Variants in LGALS12 observed in about 807,000 individuals in gnomAD.
LGALS12 encodes galectin-12.
Under a neutral mutation model 36.8 loss-of-function variants are expected in LGALS12, and 36 were observed. The observed-to-expected ratio is 0.98, with a 90% CI of 0.75 to 1.29. The LOEUF is 1.29. Among genes scored for constraint, LGALS12 ranks in the 50% most tolerant of loss-of-function variants. The pLI, the probability that LGALS12 is intolerant of heterozygous loss-of-function variation, is 0.00. For synonymous variants in LGALS12, 145 were observed against 155.9 expected, an observed-to-expected ratio of 0.93 and a Z score of 0.52; for missense variants, 366 against 394.3, an observed-to-expected ratio of 0.93 and a Z score of 0.61.
chr11:63,510,282 G>C (rs988316532), intron 4 of LGALS12, among the ~76,000 whole-genome samples, 181 bp from the exon 5 acceptor site: 2 of 152,226 alleles, frequency 1.3e-5, no homozygotes, highest in African/African-American at 4.8e-5. Flanking sequence ...TTCTGATTCA[G>C]TAAGTCCAAG....
chr11:63,515,483 T>C (rs1342320067), intron 7 of LGALS12, 80 bp from the exon 8 acceptor site: 2 of 1,545,764 alleles, frequency 1.3e-6, no homozygotes, highest in Non-Finnish European at 1.8e-6. Flanking sequence ...CTCCCTGACC[T>C]CCATCCTTCC....
chr11:63,506,221 C>T lies in LGALS12; in HGVS notation c.-238C>T, dbSNP rs867173873. On this transcript the variant is annotated 5_prime_UTR_variant, in exon 1 of 9. Transcript: ENST00000394618. Reference sequence around the variant, plus strand: ...GACACTGAGTTCTGCTGACAGCCCCCGCCCAGCCAGAGCTCTGCTGTATAC... The same window carrying T: ...GACACTGAGTTCTGCTGACAGCCCCTGCCCAGCCAGAGCTCTGCTGTATAC... The T allele has an allele frequency of 6.8e-5, 45 of 666,500 alleles. No homozygotes were observed. Among genetic ancestry groups the T allele is most frequent in the Non-Finnish European group, 1.0e-4 (41 of 399,574 alleles). The allele number at this position is 666,500 out of a possible 1,614,324, so 41.3% of individuals were successfully genotyped here.
intron 1 of LGALS12, chr11:63,508,154 C>G (rs2016798610): frequency 9.4e-7 from 1 of 1,058,460 alleles, no homozygotes; most frequent in African/African-American, 1.7e-5. Context: ...TTCTTGCCTC[C>G]CAGTTCCTAG....
intron 1 of LGALS12, among the ~76,000 whole-genome samples, chr11:63,507,023 C>T (rs1014688439): frequency 1.3e-5 from 2 of 152,180 alleles, no homozygotes; most frequent in African/African-American, 4.8e-5. Flanking sequence ...GCAGACACCC[C>T]CTACTAATGA....
Position 63,516,411 on chromosome 11 carries a change from T to C in LGALS12, c.*18T>C. The C allele has an allele frequency of 6.2e-7, 1 of 1,613,538 alleles. No homozygotes were observed. The highest frequency in any genetic ancestry group is 1.3e-5 in the African/African-American group (1 of 75,002). Reference sequence around the variant, plus strand: ...ACTCCTGAGGATGGTTCCAGGGAAATACCGCCAGAAAACAAGAAGGTCAGC... The same window carrying C: ...ACTCCTGAGGATGGTTCCAGGGAAACACCGCCAGAAAACAAGAAGGTCAGC... On this transcript the variant is annotated 3_prime_UTR_variant, in exon 9 of 9. Transcript: ENST00000394618.
At position 63,509,730 on chromosome 11, in the gene LGALS12, T is replaced by C. The variant is rs747802558; in HGVS notation, c.373-48T>C. On this transcript the variant is annotated intron_variant, in intron 3 of 8. Coordinates refer to ENST00000394618, the MANE Select transcript of LGALS12 (RefSeq NM_033101.4). ...CAATGCCTGGGACATTGTTATGAACTCAATGAACATTAGCTGCTGATAAGC... is the reference window on the plus strand; with the variant it reads ...CAATGCCTGGGACATTGTTATGAACCCAATGAACATTAGCTGCTGATAAGC... The C allele has an allele frequency of 1.2e-6, 2 of 1,605,846 alleles. 1 individual carries two copies. The highest frequency in any genetic ancestry group is 2.2e-5 in the South Asian group (2 of 90,076).
At chr11:63,513,439 T>A (rs940543399) in intron 7 of LGALS12, among the ~76,000 whole-genome samples, 1 of 152,208 alleles carries the variant, frequency 6.6e-6, no homozygotes, top group South Asian at 2.1e-4. Context: ...AGTATCTCCA[T>A]ACACCCAGTC....
rs765318666 is a variant in LGALS12, at chr11:63,515,686, C to T, written c.771C>T (p.Phe257=). 15 of 1,614,116 alleles carry T rather than the reference C, an allele frequency of 9.3e-6. No individual in the cohort carries two copies. Among genetic ancestry groups the T allele is most frequent in the South Asian group, 4.4e-5 (4 of 91,084 alleles). The change falls in exon 8 of 9, where the codon TTC becomes TTT. Residue 257 remains phenylalanine, a synonymous_variant. Coordinates refer to ENST00000394618, the MANE Select transcript of LGALS12 (RefSeq NM_033101.4). ...WGQKKLISAP[F]LFYPQRFFEV... is the part of the protein sequence containing the mutation. ...AGAAGAAACTGATCTCAGCCCCCTT[C>T]CTCTTTTACCCCCAGAGATTCTTTG... is the stretch of plus-strand genomic sequence containing the variant.
At chr11:63,516,116 C>G in intron 8 of LGALS12, 131 bp from the exon 9 acceptor site, 2 of 1,154,828 alleles carry the variant, frequency 1.7e-6, no homozygotes, top group Non-Finnish European at 2.4e-6. Flanking sequence ...TTTTCCAGCA[C>G]TGTACTGGGT....
chr11:63,507,562 G>A (rs1002892977), intron 1 of LGALS12, among the ~76,000 whole-genome samples: 1 of 152,026 alleles, frequency 6.6e-6, no homozygotes, highest in Non-Finnish European at 1.5e-5. Flanking sequence ...CCAGCCACAT[G>A]AGCAAAATGC....
At position 63,508,846 on chromosome 11, in the gene LGALS12, C is replaced by G; in HGVS notation, c.227C>G (p.Pro76Arg). ...CCAGATATCGCCTTCCACTTCAACCCTCGCTTCCATACCACCAAGCCCCAT... is the reference window on the plus strand; with the variant it reads ...CCAGATATCGCCTTCCACTTCAACCGTCGCTTCCATACCACCAAGCCCCAT... ...PRPDIAFHFN[P>R]RFHTTKPHVI... Residue 76 changes from proline to arginine, a missense_variant, in exon 3 of 9, where the codon CCT (proline) becomes CGT (arginine). Coordinates refer to ENST00000394618, the MANE Select transcript of LGALS12 (RefSeq NM_033101.4). 1 of 1,614,232 alleles carries G rather than the reference C, an allele frequency of 6.2e-7. No homozygotes were observed. The highest frequency in any genetic ancestry group is 8.5e-7 in the Non-Finnish European group (1 of 1,180,036).
At chr11:63,512,725 G>T (rs1415913170) in intron 7 of LGALS12, among the ~76,000 whole-genome samples, 1 of 150,242 alleles carries the variant, frequency 6.7e-6, no homozygotes, top group African/African-American at 2.5e-5. Flanking sequence ...GGAGGCAGAG[G>T]TTGCAGTGAT....
At chr11:63,511,050 C>T (rs767165476) in intron 5 of LGALS12, 29 bp from the exon 6 acceptor site, 3 of 1,611,970 alleles carry the variant, frequency 1.9e-6, no homozygotes, top group Non-Finnish European at 2.5e-6. Flanking sequence ...ACCACATGGC[C>T]TTGTGTCCTC....
At chr11:63,509,065 C>A in intron 3 of LGALS12, 74 bp downstream of exon 3, 1 of 1,170,962 alleles carries the variant, frequency 8.5e-7, no homozygotes. Flanking sequence ...GCCAGACTCC[C>A]CACGACACAA....
At chr11:63,515,498 G>A (rs1466984639) in intron 7 of LGALS12, 65 bp from the exon 8 acceptor site, 12 of 1,580,666 alleles carry the variant, frequency 7.6e-6, no homozygotes, top group African/African-American at 4.0e-5. Flanking sequence ...CCTTCCCCTG[G>A]GGGCTGAGCA....
chr11:63,516,716 C>A lies in LGALS12; in HGVS notation c.*323C>A. On this transcript the variant is annotated 3_prime_UTR_variant, in exon 9 of 9. Coordinates refer to ENST00000394618, the MANE Select transcript of LGALS12 (RefSeq NM_033101.4). ...AATACAATGGCTTAAAGAATGTGGTCATTTATTCTTTATTATTTATTTATT... is the reference window on the plus strand; with the variant it reads ...AATACAATGGCTTAAAGAATGTGGTAATTTATTCTTTATTATTTATTTATT... The A allele has an allele frequency of 3.4e-6, 1 of 290,360 alleles. No individual in the cohort carries two copies. Among genetic ancestry groups the A allele is most frequent in the Non-Finnish European group, 6.4e-6 (1 of 155,270 alleles). 18.0% of individuals were successfully genotyped at this position (290,360 alleles called of 1,614,324 possible). A position where few individuals can be genotyped will look rare whatever the true frequency, so the allele number is the denominator to read the frequency against.
At chr11:63,506,611 G>A in intron 1 of LGALS12, 84 bp downstream of exon 1, 1 of 1,557,918 alleles carries the variant, frequency 6.4e-7, no homozygotes, top group Non-Finnish European at 8.8e-7. Flanking sequence ...GTGGTGGGGT[G>A]GAAAGGACCT....
At position 63,516,496 on chromosome 11, in the gene LGALS12, C is replaced by G; in HGVS notation, c.*103C>G. 1 of 1,358,750 alleles carries G rather than the reference C, an allele frequency of 7.4e-7. No homozygotes were observed. The highest frequency in any genetic ancestry group is 1.0e-6 in the Non-Finnish European group (1 of 968,842). The allele number at this position is 1,358,750 out of a possible 1,614,324, so 84.2% of individuals were successfully genotyped here. A position where few individuals can be genotyped will look rare whatever the true frequency, so the allele number is the denominator to read the frequency against. On this transcript the variant is annotated 3_prime_UTR_variant, in exon 9 of 9. Coordinates refer to ENST00000394618, the MANE Select transcript of LGALS12 (RefSeq NM_033101.4). ...AACCATCCACCTGACACCAGCACAT[C>G]AGGCCTGGTTCACCTCTGGGGTCAC... is the stretch of plus-strand genomic sequence containing the variant.
intron 1 of LGALS12, among the ~76,000 whole-genome samples, chr11:63,507,320 G>T (rs1224522351): frequency 1.3e-5 from 2 of 152,170 alleles, no homozygotes; most frequent in East Asian, 3.8e-4. Flanking sequence ...TAGGTGGTTT[G>T]GGTTCCTAAA....
Sources: gnomAD v4.1 joint callset for allele counts (sites outside exome capture counted in the v4.1 genomes callset) on GRCh38, gnomAD v4.1.1 for gene constraint, MANE v1.5 for transcripts, NCBI Gene and HGNC (gene_info 2026-07-23, HGNC 2026-07-21) for gene names.